Variants in GPC6 observed in about 807,000 individuals in gnomAD.
GPC6 encodes glypican 6, also known as glypican-6.
Under a neutral mutation model 55.2 loss-of-function variants are expected in GPC6, and 14 were observed. That is an observed-to-expected ratio of 0.25 (90% CI 0.17 to 0.40). The LOEUF (loss-of-function observed/expected upper bound fraction) is 0.40. GPC6 is among the 10% of genes least tolerant of loss of function. The pLI, the probability that GPC6 is intolerant of heterozygous loss-of-function variation, is 1.00. For synonymous variants in GPC6, 278 were observed against 259.6 expected (o/e 1.07, Z -0.68); for missense variants, 641 against 708.5 (o/e 0.90, Z 1.08).
chr13:94,295,462 A>G (rs1235787481), intron 5 of GPC6, among the ~76,000 whole-genome samples: 1 of 152,150 alleles, frequency 6.6e-6, no homozygotes, highest in Non-Finnish European at 1.5e-5. Flanking sequence ...CAGACTTGCA[A>G]TCCACACCCC....
chr13:94,284,893 T>A (rs1025901664), intron 4 of GPC6, among the ~76,000 whole-genome samples: 1 of 151,596 alleles, frequency 6.6e-6, no homozygotes, highest in Admixed American at 6.6e-5. Flanking sequence ...TAACATGAAA[T>A]CTACCCTCAG....
rs573030721 is a variant in GPC6 at position 93,394,756 on chromosome 13, G to C, written c.161-150507G>C. Among the ~76,000 whole-genome samples, 94 of 152,244 alleles carry C rather than the reference G, an allele frequency of 6.2e-4. 1 individual carries two copies. The South Asian group carries it at 0.019, about 31-fold the overall frequency. ...TTTAGTAATCACTGGAAGTTCCACT[G>C]TGAATCTGGTCTTGTTTCTCCATGT... On this transcript the variant is annotated intron_variant, in intron 1 of 8. Transcript: ENST00000377047.
At chr13:93,919,583 G>A (rs1046329848) in intron 3 of GPC6, among the ~76,000 whole-genome samples, 1 of 152,106 alleles carries the variant, frequency 6.6e-6, no homozygotes, top group Non-Finnish European at 1.5e-5. Flanking sequence ...AGAATCTTAG[G>A]AAACGGGCCT....
At chr13:94,146,032 A>C (rs955551011) in intron 4 of GPC6, among the ~76,000 whole-genome samples, 1 of 152,230 alleles carries the variant, frequency 6.6e-6, no homozygotes, top group Non-Finnish European at 1.5e-5. Context: ...TTAAATGAGC[A>C]AGTAACCAAT....
At chr13:93,627,874 A>T (rs1219401012) in intron 2 of GPC6, among the ~76,000 whole-genome samples, 1 of 152,234 alleles carries the variant, frequency 6.6e-6, no homozygotes, top group Non-Finnish European at 1.5e-5. Context: ...TGAAGAAAAG[A>T]CATACTTTTA....
intron 3 of GPC6, among the ~76,000 whole-genome samples, chr13:93,979,901 A>G (rs1880712450): frequency 6.6e-6 from 1 of 152,108 alleles, no homozygotes; most frequent in Non-Finnish European, 1.5e-5. Context: ...TCAAAAATAC[A>G]AGCACTCTTA....
chr13:93,809,864 A>G (rs563601684), intron 2 of GPC6, among the ~76,000 whole-genome samples: 1 of 152,172 alleles, frequency 6.6e-6, no homozygotes, highest in African/African-American at 2.4e-5. Flanking sequence ...TTAGAAGCCC[A>G]CTTTTGTACC....
rs541159739 is a variant in GPC6, at chr13:93,703,222, A to G, written c.320-126932A>G. Reference sequence around the variant, plus strand: ...GGGAGACCTGAGAAGAGGGACAGGGACAAGGGAATGGTCAGTGAGTAGAGC... The same window carrying G: ...GGGAGACCTGAGAAGAGGGACAGGGGCAAGGGAATGGTCAGTGAGTAGAGC... On this transcript the variant is annotated intron_variant, in intron 2 of 8. Coordinates refer to ENST00000377047, the MANE Select transcript of GPC6 (RefSeq NM_005708.5). Among the ~76,000 whole-genome samples the G allele has an allele frequency of 2.1e-3, 318 of 152,038 alleles. 1 individual carries two copies. The highest frequency in any genetic ancestry group is 6.8e-3 in the African/African-American group (283 of 41,516).
At chr13:93,981,161 A>G (rs768101010) in intron 3 of GPC6, among the ~76,000 whole-genome samples, 5 of 152,148 alleles carry the variant, frequency 3.3e-5, no homozygotes, top group Non-Finnish European at 7.3e-5. Flanking sequence ...TGGACTCCTT[A>G]TTATCGTTGA....
intron 1 of GPC6, among the ~76,000 whole-genome samples, chr13:93,440,152 C>G (rs1484830585): frequency 6.6e-6 from 1 of 152,056 alleles, no homozygotes; most frequent in Admixed American, 6.6e-5. Flanking sequence ...TAATCAAGGC[C>G]AAGAGTATCA....
At chr13:93,641,119 C>G (rs2139586108) in intron 2 of GPC6, among the ~76,000 whole-genome samples, 1 of 151,996 alleles carries the variant, frequency 6.6e-6, no homozygotes, top group South Asian at 2.1e-4. Flanking sequence ...CATACTTACA[C>G]AAAAATATGT....
intron 2 of GPC6, among the ~76,000 whole-genome samples, chr13:93,660,835 C>T (rs1364052115): frequency 1.3e-5 from 2 of 152,138 alleles, no homozygotes; most frequent in African/African-American, 4.8e-5. Context: ...GGTGCTGCTT[C>T]TATTTATTTT....
chr13:93,286,282 C>G (rs1351375250), intron 1 of GPC6, among the ~76,000 whole-genome samples: 1 of 152,164 alleles, frequency 6.6e-6, no homozygotes, highest in African/African-American at 2.4e-5. Flanking sequence ...ATGGGAAAAG[C>G]TGCCCCCACG....
chr13:93,966,632 A>T, intron 3 of GPC6, among the ~76,000 whole-genome samples: 1 of 145,152 alleles, frequency 6.9e-6, no homozygotes. Flanking sequence ...CTTTACTATC[A>T]GTTTTGTTTG....
intron 4 of GPC6, among the ~76,000 whole-genome samples, chr13:94,079,758 C>T (rs1334812436): frequency 6.6e-6 from 1 of 152,166 alleles, no homozygotes; most frequent in African/African-American, 2.4e-5. Context: ...CATCATTGCT[C>T]CTCACATTGC....
At chr13:93,494,845 A>T (rs1339403338) in intron 1 of GPC6, among the ~76,000 whole-genome samples, 2 of 148,374 alleles carry the variant, frequency 1.3e-5, no homozygotes, top group African/African-American at 5.0e-5. Context: ...AATGTTGAAT[A>T]TTGGCCCCCA....
At chr13:93,297,651 A>G (rs963993670) in intron 1 of GPC6, among the ~76,000 whole-genome samples, 3 of 151,942 alleles carry the variant, frequency 2.0e-5, no homozygotes, top group African/African-American at 7.2e-5. Flanking sequence ...TAAAAAACAA[A>G]ATGATTTTCC....
intron 4 of GPC6, among the ~76,000 whole-genome samples, chr13:94,100,929 G>A (rs1566405731): frequency 6.6e-6 from 1 of 152,158 alleles, no homozygotes; most frequent in Non-Finnish European, 1.5e-5. Context: ...AAGATATACT[G>A]GGGGATATTA....
intron 1 of GPC6, among the ~76,000 whole-genome samples, chr13:93,471,168 C>T (rs1879096485): frequency 1.3e-5 from 2 of 151,740 alleles, no homozygotes; most frequent in Non-Finnish European, 1.5e-5. Context: ...TATTTTGCTC[C>T]TTTTTTTCTA....
Sources: allele counts gnomAD v4.1 joint callset (sites outside exome capture counted in the v4.1 genomes callset), GRCh38; gene constraint gnomAD v4.1.1; transcripts MANE v1.5; gene names NCBI Gene and HGNC (gene_info 2026-07-23, HGNC 2026-07-21).